KCNIP4: variants seen among roughly 807,000 people sequenced by gnomAD.
The protein encoded by KCNIP4 is Kv channel-interacting protein 4.
Under a neutral mutation model 34.0 loss-of-function variants are expected in KCNIP4, and 12 were observed. That is an observed-to-expected ratio of 0.35 (90% confidence interval 0.23 to 0.57). The LOEUF is 0.57. KCNIP4 is among the 20% of genes least tolerant of loss of function. KCNIP4 has a pLI of 0.83. For synonymous variants in KCNIP4, 124 were observed against 102.2 expected (o/e 1.21, Z -1.29); for missense variants, 238 against 311.7 (o/e 0.76, Z 1.78).
chr4:21,504,841 C>A (rs763008673), intron 1 of KCNIP4, among the ~76,000 whole-genome samples: 2 of 152,102 alleles, frequency 1.3e-5, no homozygotes, highest in African/African-American at 4.8e-5. Flanking sequence ...TGCATTTTGA[C>A]GATGTTACCA....
intron 1 of KCNIP4, among the ~76,000 whole-genome samples, chr4:21,440,126 G>T (rs920967302): frequency 1.3e-5 from 2 of 152,150 alleles, no homozygotes; most frequent in African/African-American, 2.4e-5. Context: ...TTAGGGTGAA[G>T]AAAATGGAAA....
rs368574338 is a variant in KCNIP4 at position 21,247,578 on chromosome 4, C to CATATATATATATATATAT, written c.62-364870_62-364869insATATATATATATATATAT. On this transcript the variant is annotated intron_variant, in intron 1 of 8. Coordinates refer to ENST00000382152, the MANE Select transcript of KCNIP4 (RefSeq NM_025221.6). ...CTATATATTTATATAGATATAAATA[C>CATATATATATATATATAT]ATATATATATATATACACCACAGAT... is the stretch of plus-strand genomic sequence containing the variant. Among the ~76,000 whole-genome samples the CATATATATATATATATAT allele has an allele frequency of 1.8e-3, 243 of 133,958 alleles. 1 individual carries two copies. Among genetic ancestry groups the CATATATATATATATATAT allele is most frequent in the South Asian group, 0.015 (62 of 4,028 alleles). 87.9% of individuals were successfully genotyped at this position (133,958 alleles called of 152,430 possible).
At chr4:21,723,050 T>A (rs894732782) in intron 1 of KCNIP4, among the ~76,000 whole-genome samples, 1 of 152,126 alleles carries the variant, frequency 6.6e-6, no homozygotes, top group African/African-American at 2.4e-5. Context: ...TTTACATATA[T>A]TTCTACAGAA....
chr4:21,103,280 A>C (rs1748115760), intron 1 of KCNIP4, among the ~76,000 whole-genome samples: 1 of 147,646 alleles, frequency 6.8e-6, no homozygotes. Flanking sequence ...TTTTCATGAT[A>C]ATTACATGAC....
chr4:21,604,766 A>G (rs1244947881), intron 1 of KCNIP4, among the ~76,000 whole-genome samples: 1 of 152,184 alleles, frequency 6.6e-6, no homozygotes, highest in Admixed American at 6.5e-5. Context: ...TTTTTGGTAC[A>G]CTAAATTTAG....
At chr4:20,821,322 T>TA (rs1717080056) in intron 3 of KCNIP4, among the ~76,000 whole-genome samples, 1 of 152,220 alleles carries the variant, frequency 6.6e-6, no homozygotes, top group African/African-American at 2.4e-5. Flanking sequence ...GTGATGGAAA[T>TA]ACCTGCCCTG....
At chr4:21,674,583 C>G (rs1168584406) in intron 1 of KCNIP4, among the ~76,000 whole-genome samples, 1 of 152,166 alleles carries the variant, frequency 6.6e-6, no homozygotes, top group African/African-American at 2.4e-5. Flanking sequence ...CAACTGTAAC[C>G]TCTCTCATTG....
intron 1 of KCNIP4, among the ~76,000 whole-genome samples, chr4:21,615,384 CAA>C (rs11463024): frequency 7.0e-6 from 1 of 142,998 alleles, no homozygotes. Context: ...ACTAAAAATA[CAA>C]AAAAAAAAAA....
chr4:21,070,242 G>A (rs1307990965), intron 1 of KCNIP4, among the ~76,000 whole-genome samples: 1 of 152,146 alleles, frequency 6.6e-6, no homozygotes, highest in Non-Finnish European at 1.5e-5. Context: ...CTCACCCACT[G>A]AGGCATATTT....
At chr4:20,773,068 C>T (rs1756057476) in intron 3 of KCNIP4, among the ~76,000 whole-genome samples, 1 of 150,990 alleles carries the variant, frequency 6.6e-6, no homozygotes, top group Non-Finnish European at 1.5e-5. Flanking sequence ...AAAGTTTAGT[C>T]TGCTTAATTA....
intron 1 of KCNIP4, among the ~76,000 whole-genome samples, chr4:21,485,722 G>A (rs1731841417): frequency 6.6e-6 from 1 of 152,170 alleles, no homozygotes; most frequent in Non-Finnish European, 1.5e-5. Context: ...TGCACAACTT[G>A]TATCCACAGT....
At chr4:21,844,844 T>C (rs1330960346) in intron 1 of KCNIP4, 1 of 151,944 alleles carries the variant, frequency 6.6e-6, no homozygotes, top group Admixed American at 6.6e-5. Context: ...CCAAAGAAGG[T>C]TGTGTAAACT....
At chr4:21,035,762 CT>C (rs928011403) in intron 1 of KCNIP4, among the ~76,000 whole-genome samples, 3 of 152,152 alleles carry the variant, frequency 2.0e-5, no homozygotes, top group Non-Finnish European at 4.4e-5. Context: ...TTTCTAGTGC[CT>C]TTTGCTGCCT....
At chr4:21,035,862 C>T (rs1009075678) in intron 1 of KCNIP4, among the ~76,000 whole-genome samples, 1 of 152,088 alleles carries the variant, frequency 6.6e-6, no homozygotes. Context: ...CCCCTGTGTC[C>T]AAGAGGCAGA....
intron 1 of KCNIP4, among the ~76,000 whole-genome samples, chr4:21,491,763 G>A (rs1465334933): frequency 6.6e-6 from 1 of 152,128 alleles, no homozygotes; most frequent in Non-Finnish European, 1.5e-5. Flanking sequence ...TGTTTTATCA[G>A]TGTTGGCCTC....
At chr4:21,588,473 T>C (rs919345998) in intron 1 of KCNIP4, among the ~76,000 whole-genome samples, 2 of 152,046 alleles carry the variant, frequency 1.3e-5, no homozygotes, top group Non-Finnish European at 2.9e-5. Flanking sequence ...CTCCTCCTTC[T>C]CCGATGGTTT....
chr4:20,749,309 G>A (rs138315952), intron 5 of KCNIP4, among the ~76,000 whole-genome samples: 3,565 of 152,190 alleles, frequency 0.023, 57 homozygotes, highest in Middle Eastern at 0.048. Context: ...TTCCATAACA[G>A]GACTTTTGAC....
rs1368598172 is a variant in KCNIP4 at position 20,728,999 on chromosome 4, A to G, written c.*1083T>C. The G allele has an allele frequency of 1.3e-5, 2 of 152,260 alleles. No individual in the cohort carries two copies. The highest frequency in any genetic ancestry group is 1.3e-4 in the Admixed American group (2 of 15,262). The allele number at this position is 152,260 out of a possible 1,614,324, so 9.4% of individuals were successfully genotyped here. A position where few individuals can be genotyped will look rare whatever the true frequency, so the allele number is the denominator to read the frequency against. ...TTGTTGAGCACTTATTTTCTACTAA[A>G]TCTTGGTAGTAGTTGTCAATGTAAT... On this transcript the variant is annotated 3_prime_UTR_variant, in exon 9 of 9. Transcript: ENST00000382152.
At chr4:21,439,175 A>T (rs905578316) in intron 1 of KCNIP4, among the ~76,000 whole-genome samples, 1 of 151,612 alleles carries the variant, frequency 6.6e-6, no homozygotes, top group East Asian at 1.9e-4. Flanking sequence ...AAAAAAAAAA[A>T]AAAAAGTAGA....
Sources: gnomAD v4.1 joint callset for allele counts (sites outside exome capture counted in the v4.1 genomes callset) on GRCh38, gnomAD v4.1.1 for gene constraint, MANE v1.5 for transcripts, NCBI Gene and HGNC (gene_info 2026-07-23, HGNC 2026-07-21) for gene names.